JUP: variants seen among roughly 807,000 people sequenced by gnomAD.
The protein encoded by JUP is junction plakoglobin.
JUP carries 28 observed loss-of-function variants against 71.1 expected under a neutral mutation model. The ratio of observed to expected loss-of-function variants is 0.39; its 90% CI spans 0.29 to 0.54. The LOEUF is 0.54. Among genes scored for constraint, JUP ranks in the 20% least tolerant of loss-of-function variants. The pLI is 0.62. For missense variants in JUP, 869 were observed against 1,030.1 expected, an observed-to-expected ratio of 0.84 and a Z score of 2.14; for synonymous variants, 401 against 438.9, an observed-to-expected ratio of 0.91 and a Z score of 1.08.
chr17:41,776,992 G>A (rs2046917696), intron 1 of JUP, among the ~76,000 whole-genome samples: 1 of 152,174 alleles, frequency 6.6e-6, no homozygotes, highest in African/African-American at 2.4e-5. Context: ...GGGATACAGT[G>A]CGAGACTCTG....
chr17:41,777,353 T>A (rs2046934828), intron 1 of JUP, among the ~76,000 whole-genome samples: 1 of 152,132 alleles, frequency 6.6e-6, no homozygotes, highest in African/African-American at 2.4e-5. Context: ...GCCCCCACCT[T>A]CCCCACTCTG....
At chr17:41,783,435 G>A (rs2047274446) in intron 1 of JUP, among the ~76,000 whole-genome samples, 1 of 150,782 alleles carries the variant, frequency 6.6e-6, no homozygotes, top group South Asian at 2.1e-4. Flanking sequence ...CCACAGGCAT[G>A]CACCACCACG....
At chr17:41,758,563 T>C (rs1914263221) in intron 9 of JUP, 45 bp from the exon 10 acceptor site, 1 of 1,595,240 alleles carries the variant, frequency 6.3e-7, no homozygotes, top group Non-Finnish European at 8.6e-7. Flanking sequence ...GCCTTGGACA[T>C]GGCCACAACT....
rs118053250 is a variant in JUP, at chr17:41,772,040, G to T, written c.-8-178C>A. 3.6e-3 allele frequency among the ~76,000 whole-genome samples: 550 copies of T among 152,308 alleles called. 10 individuals carry two copies. In the East Asian group the frequency reaches 0.051, roughly 14 times the overall value. Reference sequence around the variant, plus strand: ...AGAAGGGCACCAGGCCCAGGGAGGGGCTGCCCACGACGAGATACCCTGGGA... The same window carrying T: ...AGAAGGGCACCAGGCCCAGGGAGGGTCTGCCCACGACGAGATACCCTGGGA... On this transcript the variant is annotated intron_variant, in intron 1 of 13. Transcript: ENST00000393931.
chr17:41,784,069 T>G (rs1283053047), intron 1 of JUP, among the ~76,000 whole-genome samples: 1 of 152,080 alleles, frequency 6.6e-6, no homozygotes, highest in African/African-American at 2.4e-5. Flanking sequence ...CAAACCCAGC[T>G]CAGTTCAAGC....
rs1300363730 is a variant in JUP, at chr17:41,763,529, G to C, written c.1159-208C>G. ...GAGGCAATGAGGCTCAGAGAGGTTG[G>C]GGAACTTGCCCACAGACACACAGCT... On this transcript the variant is annotated intron_variant, in intron 7 of 13. Transcript: ENST00000393931. Among the ~76,000 whole-genome samples the C allele has an allele frequency of 2.0e-5, 3 of 152,168 alleles. No individual in the cohort carries two copies. The East Asian group carries it at 5.8e-4, about 29-fold the overall frequency.
chr17:41,777,945 C>G (rs1266647698), intron 1 of JUP, among the ~76,000 whole-genome samples: 1 of 152,212 alleles, frequency 6.6e-6, no homozygotes, highest in Non-Finnish European at 1.5e-5. Flanking sequence ...GCAGATGACC[C>G]CAAACCGGGA....
intron 4 of JUP, among the ~76,000 whole-genome samples, chr17:41,768,554 C>T (rs1470408583): frequency 2.6e-5 from 4 of 151,002 alleles, no homozygotes; most frequent in Non-Finnish European, 4.4e-5. Context: ...AGAGCAAGGC[C>T]TCATCTCAAA....
At chr17:41,779,797 C>G (rs1338135724) in intron 1 of JUP, among the ~76,000 whole-genome samples, 3 of 151,756 alleles carry the variant, frequency 2.0e-5, no homozygotes, top group Middle Eastern at 3.4e-3. Context: ...TCCCGAGTAG[C>G]TAGGACCACG....
chr17:41,772,226 G>A (rs1259931408), intron 1 of JUP: 2 of 376,672 alleles, frequency 5.3e-6, no homozygotes, highest in Non-Finnish European at 1.0e-5. Flanking sequence ...CCAGGGGCAA[G>A]AGAAGGCACT....
chr17:41,762,166 AGAGAGAGAGAGT>A (rs1327087883), intron 8 of JUP, among the ~76,000 whole-genome samples: 755 of 66,628 alleles, frequency 0.011, no homozygotes, highest in African/African-American at 0.016. Context: ...AGAGAGAGAG[AGAGAGAGAGAGT>A]GTGTGTGTGT....
chr17:41,772,494 T>C (rs1916825645), intron 1 of JUP, among the ~76,000 whole-genome samples: 1 of 152,022 alleles, frequency 6.6e-6, no homozygotes, highest in Non-Finnish European at 1.5e-5. Flanking sequence ...GCCCTCCCAG[T>C]CCCTAGACGC....
At chr17:41,761,631 G>A (rs1555601252) in intron 8 of JUP, among the ~76,000 whole-genome samples, 1 of 151,666 alleles carries the variant, frequency 6.6e-6, no homozygotes, top group Non-Finnish European at 1.5e-5. Context: ...AACCAACATA[G>A]AGAAATCCCG....
chr17:41,771,402 G>C (rs1916627699), intron 2 of JUP: 2 of 584,246 alleles, frequency 3.4e-6, no homozygotes, highest in Non-Finnish European at 3.1e-6. Context: ...GGCACCCTAA[G>C]GGCAGGGACT....
At chr17:41,768,404 C>CAA (rs35253045) in intron 4 of JUP, among the ~76,000 whole-genome samples, 120,377 of 149,442 alleles carry the variant, frequency 0.81, 48,893 homozygotes, top group African/African-American at 0.88. Flanking sequence ...CATCTCAAAA[C>CAA]AAAAAAAAAT....
chr17:41,772,969 C>G (rs560023494), intron 1 of JUP: 2 of 985,506 alleles, frequency 2.0e-6, no homozygotes, highest in East Asian at 1.1e-4. Context: ...GGGCCTACTA[C>G]GAGCCAGACC....
intron 1 of JUP, among the ~76,000 whole-genome samples, chr17:41,779,288 T>C (rs2085009512): frequency 6.6e-6 from 1 of 151,268 alleles, no homozygotes; most frequent in Admixed American, 6.6e-5. Flanking sequence ...TTTAGGATTA[T>C]GGGCGATTTT....
At chr17:41,756,298 G>T in intron 12 of JUP, 84 bp from the exon 13 acceptor site, 1 of 1,386,970 alleles carries the variant, frequency 7.2e-7, no homozygotes, top group African/African-American at 1.4e-5. Flanking sequence ...AGGGAGAGAT[G>T]CTTCTAAAAG....
At chr17:41,770,142 A>G (rs1266471734) in intron 2 of JUP, among the ~76,000 whole-genome samples, 4 of 152,086 alleles carry the variant, frequency 2.6e-5, no homozygotes, top group Non-Finnish European at 5.9e-5. Context: ...CTGAAATCTC[A>G]GGAGTCTAAT....
Sources: allele counts gnomAD v4.1 joint callset (sites outside exome capture counted in the v4.1 genomes callset), GRCh38; gene constraint gnomAD v4.1.1; transcripts MANE v1.5; gene names NCBI Gene and HGNC (gene_info 2026-07-23, HGNC 2026-07-21).